Variants in TLE3 observed in about 807,000 individuals in gnomAD.
TLE3 encodes the protein TLE family member 3, transcriptional corepressor, also known as transducin-like enhancer protein 3.
In TLE3, 14 loss-of-function variants were observed where a neutral mutation model predicts 93.0. The ratio of observed to expected loss-of-function variants is 0.15; its 90% confidence interval spans 0.10 to 0.24. The LOEUF is 0.24. Among genes scored for constraint, TLE3 ranks in the 10% least tolerant of loss-of-function variants. TLE3 has a pLI of 1.00. For synonymous variants in TLE3, 451 were observed against 425.0 expected (o/e 1.06, Z -0.75); for missense variants, 693 against 1,046.6 (o/e 0.66, Z 4.66).
chr15:70,087,474 A>C (rs944116741), intron 4 of TLE3, among the ~76,000 whole-genome samples: 1 of 152,260 alleles, frequency 6.6e-6, no homozygotes. Flanking sequence ...AATATCTGGA[A>C]GATCAAATTT....
chr15:70,093,648 T>C (rs191671100), intron 4 of TLE3, among the ~76,000 whole-genome samples: 17 of 152,250 alleles, frequency 1.1e-4, no homozygotes, highest in African/African-American at 4.1e-4. Context: ...AGAACACAAA[T>C]ACACAAACAG....
chr15:70,096,464 C>CA, intron 1 of TLE3: 1 of 1,154,892 alleles, frequency 8.7e-7, no homozygotes, highest in Non-Finnish European at 1.2e-6. Context: ...CCATGCCTTT[C>CA]ACCAAGGGCC....
chr15:70,096,083 C>T, intron 2 of TLE3, 78 bp downstream of exon 2: 2 of 1,472,016 alleles, frequency 1.4e-6, no homozygotes, highest in Non-Finnish European at 1.8e-6. Flanking sequence ...CCCCCTCCGT[C>T]CCCGCGGGGG....
chr15:70,066,876 G>A (rs1379983066), intron 6 of TLE3: 2 of 340,690 alleles, frequency 5.9e-6, no homozygotes, highest in Non-Finnish European at 1.2e-5. Flanking sequence ...CCCAGCTCTG[G>A]CACTTCCTAG....
intron 4 of TLE3, among the ~76,000 whole-genome samples, chr15:70,083,898 AC>A (rs560554641): frequency 2.0e-3 from 305 of 152,248 alleles, no homozygotes; most frequent in African/African-American, 7.0e-3. Flanking sequence ...CATTCTATCT[AC>A]CTACCATCTT....
rs1014212792 is a variant in TLE3, at chr15:70,074,624, G to A, written c.298-17C>T. On this transcript the variant is annotated splice_polypyrimidine_tract_variant and intron_variant, in intron 5 of 19. Coordinates refer to ENST00000451782, the MANE Select transcript of TLE3 (RefSeq NM_001105192.3). ...CTGCTGGTGCTGGAGGGAAGAGGGT[G>A]TGCGTTAGATGCAGCCACTTTCCTG... 2.5e-6 allele frequency: 4 copies of A among 1,600,694 alleles called. No homozygotes were observed. In the African/African-American group the frequency reaches 4.0e-5, roughly 16 times the overall value.
chr15:70,052,320 C>G, intron 18 of TLE3, 54 bp downstream of exon 18: 1 of 1,590,898 alleles, frequency 6.3e-7, no homozygotes, highest in Non-Finnish European at 8.6e-7. Context: ...TTGGGCCAGG[C>G]TGCCCTGGGT....
At position 70,065,996 on chromosome 15, in the gene TLE3, G is replaced by GGCCCCCCCC; in HGVS notation, c.577+17_577+18insGGGGGGGGC. ...CCACCCCTGCCCCGCCCCACCCTCT[G>GGCCCCCCCC]CCCCAGCCCAGCCGCACCTCTGTGA... On this transcript the variant is annotated intron_variant, in intron 7 of 19. Coordinates refer to ENST00000451782, the MANE Select transcript of TLE3 (RefSeq NM_001105192.3). The GGCCCCCCCC allele has an allele frequency of 7.4e-7, 1 of 1,347,794 alleles. No individual in the cohort carries two copies. Among genetic ancestry groups the GGCCCCCCCC allele is most frequent in the Non-Finnish European group, 1.0e-6 (1 of 955,750 alleles). 83.5% of individuals were successfully genotyped at this position (1,347,794 alleles called of 1,614,324 possible). A position where few individuals can be genotyped will look rare whatever the true frequency, so the allele number is the denominator to read the frequency against.
intron 4 of TLE3, among the ~76,000 whole-genome samples, chr15:70,090,180 C>A (rs72749673): frequency 0.15 from 22,325 of 152,102 alleles, 2,081 homozygotes; most frequent in Middle Eastern, 0.21. Flanking sequence ...TGGAGCCCAG[C>A]AGACCCCAAA....
In TLE3 at chr15:70,059,597, C is replaced by T. The variant is rs1004968734; in HGVS notation, c.715-137G>A. On this transcript the variant is annotated intron_variant, in intron 9 of 19. Transcript: ENST00000451782. ...ACCCCAAAGTCCATGCTTTCTACTC[C>T]AGCCCTGCCCTTCAACAGGCTCCAC... 1.3e-5 allele frequency: 10 copies of T among 764,108 alleles called. No homozygotes were observed. In the African/African-American group the frequency reaches 1.6e-4, roughly 12 times the overall value. The allele number at this position is 764,108 out of a possible 1,614,324, so 47.3% of individuals were successfully genotyped here.
chr15:70,073,537 A>T (rs1732657969), intron 6 of TLE3, among the ~76,000 whole-genome samples: 1 of 152,222 alleles, frequency 6.6e-6, no homozygotes, highest in Non-Finnish European at 1.5e-5. Flanking sequence ...CTTCAGAATG[A>T]TCTAGAAATC....
At position 70,058,118 on chromosome 15, in the gene TLE3, CCAAT is replaced by C. The variant is rs1566992835; in HGVS notation, c.1051+37_1051+40del. The C allele has an allele frequency of 1.9e-6, 3 of 1,612,800 alleles. No homozygotes were observed. In the South Asian group the frequency reaches 3.3e-5, roughly 18 times the overall value. On this transcript the variant is annotated intron_variant, in intron 12 of 19. Transcript: ENST00000451782. The surrounding 1 kb of genome is among the most constrained non-coding windows in gnomAD (Gnocchi z 4.1). ...CTGGCCAAGAGCAGACCCCCTCCCCCCAATCAGATTAACCCAGCCCATGGTGCCT... is the reference window on the plus strand; with the variant it reads ...CTGGCCAAGAGCAGACCCCCTCCCCCCAGATTAACCCAGCCCATGGTGCCT...
At chr15:70,074,357 C>CA in intron 6 of TLE3, 176 bp downstream of exon 6, 1 of 680,514 alleles carries the variant, frequency 1.5e-6, no homozygotes. Flanking sequence ...AACTGGGAGC[C>CA]AAGGGGGAAA....
In TLE3 at chr15:70,057,650, G is replaced by A; in HGVS notation, c.1060C>T (p.Leu354=). The A allele has an allele frequency of 6.4e-7, 1 of 1,573,518 alleles. No homozygotes were observed. Among genetic ancestry groups the A allele is most frequent in the African/African-American group, 1.3e-5 (1 of 74,554 alleles). The change falls in exon 13 of 20, where the codon CTG becomes TTG. Residue 354 remains leucine (L), a synonymous_variant. Transcript: ENST00000451782. ...PPGMDPIASA[L]RTPISITSSY... ...CTGGTGATGGAGATGGGCGTGCGCAGAGCCGAGGCTGCGAGGGGTGGGCGT... is the reference window on the plus strand; with the variant it reads ...CTGGTGATGGAGATGGGCGTGCGCAAAGCCGAGGCTGCGAGGGGTGGGCGT...
intron 4 of TLE3, among the ~76,000 whole-genome samples, chr15:70,079,088 G>A (rs2057608348): frequency 6.6e-6 from 1 of 152,032 alleles, no homozygotes; most frequent in Non-Finnish European, 1.5e-5. Flanking sequence ...GATTTATGTA[G>A]CCATCCGGGC....
chr15:70,055,142 C>T lies in TLE3; in HGVS notation c.1485G>A (p.Thr495=), dbSNP rs368231867. ...CCTTGCCACCTGTGTAGACGTGCCT[C>T]GTGGGGTTGCTGATGGTCACGGCAC... ...VVCAVTISNP[T]RHVYTGGKGC... is the part of the protein sequence containing the mutation. The change falls in exon 15 of 20, where the codon ACG becomes ACA. Residue 495 remains threonine (T), a synonymous_variant. Coordinates refer to ENST00000451782, the MANE Select transcript of TLE3 (RefSeq NM_001105192.3). 9.2e-5 allele frequency: 149 copies of T among 1,613,958 alleles called. No homozygotes were observed. The highest frequency in any genetic ancestry group is 2.8e-4 in the Admixed American group (17 of 59,990).
chr15:70,091,176 A>G (rs1173853552), intron 4 of TLE3, among the ~76,000 whole-genome samples: 3 of 152,262 alleles, frequency 2.0e-5, no homozygotes, highest in Admixed American at 6.5e-5. Flanking sequence ...ATTCAAAGAG[A>G]AACTTACAGG....
At chr15:70,082,384 T>G (rs370806945) in intron 4 of TLE3, among the ~76,000 whole-genome samples, 53 of 152,154 alleles carry the variant, frequency 3.5e-4, no homozygotes, top group African/African-American at 1.2e-3. Flanking sequence ...CCCTGCTCCA[T>G]CCACGCCATG....
At chr15:70,095,135 C>T (rs1215414920) in intron 3 of TLE3, among the ~76,000 whole-genome samples, 1 of 152,136 alleles carries the variant, frequency 6.6e-6, no homozygotes, top group Non-Finnish European at 1.5e-5. Flanking sequence ...GGAAGGAGGG[C>T]TTCTGTCCTA....
Sources: allele counts gnomAD v4.1 joint callset (sites outside exome capture counted in the v4.1 genomes callset), GRCh38; gene constraint gnomAD v4.1.1; non-coding constraint Gnocchi (gnomAD v3.1); transcripts MANE v1.5; gene names NCBI Gene and HGNC (gene_info 2026-07-23, HGNC 2026-07-21).